POTEH: variants seen among roughly 807,000 people sequenced by gnomAD.
POTEH encodes the protein ANKRD26-like family C member 3.
POTEH carries 6 observed loss-of-function variants against 41.7 expected under a neutral mutation model. The observed-to-expected ratio is 0.14, with a 90% CI of 0.08 to 0.28. The LOEUF (loss-of-function observed/expected upper bound fraction) is 0.28. Ranked by LOEUF, POTEH falls within the 10% of genes least tolerant of loss-of-function variation. The probability of loss-of-function intolerance (pLI) is 1.00; values close to 1 mark genes in which losing one functional copy is unlikely to be tolerated. For missense variants in POTEH, 115 were observed against 533.5 expected (o/e 0.22, Z 7.73); for synonymous variants, 38 against 179.9 (o/e 0.21, Z 6.31).
At chr22:15,705,484 T>A (rs1448036431) in intron 6 of POTEH, among the ~76,000 whole-genome samples, 1 of 152,118 alleles carries the variant, frequency 6.6e-6, no homozygotes, top group Non-Finnish European at 1.5e-5. Context: ...ATGTTCATGT[T>A]CCCAGTGGCA....
At chr22:15,693,332 T>A (rs1989373644) in intron 1 of POTEH, among the ~76,000 whole-genome samples, 1 of 149,306 alleles carries the variant, frequency 6.7e-6, no homozygotes, top group Non-Finnish European at 1.5e-5. Flanking sequence ...ATATGCTTCT[T>A]GCATAGATGC....
In POTEH at chr22:15,690,929, A is replaced by G. The variant is rs1989290892; in HGVS notation, c.632+220A>G. Among the ~76,000 whole-genome samples, 2 of 130,094 alleles carry G rather than the reference A, an allele frequency of 1.5e-5. 1 individual carries two copies. Among genetic ancestry groups the G allele is most frequent in the African/African-American group, 5.5e-5 (2 of 36,272 alleles). The allele number at this position is 130,094 out of a possible 152,430, so 85.3% of individuals were successfully genotyped here. A position where few individuals can be genotyped will look rare whatever the true frequency, so the allele number is the denominator to read the frequency against. ...CCAATCAAATCATAATTTCCTTCCT[A>G]GAACACGAATAGACTGTTTTGAAGT... On this transcript the variant is annotated intron_variant, in intron 1 of 10. Transcript: ENST00000343518.
chr22:15,690,811 G>A, intron 1 of POTEH, 102 bp downstream of exon 1: 1 of 1,351,476 alleles, frequency 7.4e-7, no homozygotes, highest in Non-Finnish European at 1.0e-6. Flanking sequence ...GCCTCCACAG[G>A]CCTCACACCA....
intron 4 of POTEH, chr22:15,699,858 A>C: frequency 1.1e-6 from 1 of 946,908 alleles, no homozygotes; most frequent in Non-Finnish European, 1.5e-6. Context: ...TCTGCTATGC[A>C]ATACCCCACT....
chr22:15,691,108 C>T (rs1448125388), intron 1 of POTEH, among the ~76,000 whole-genome samples: 2 of 143,812 alleles, frequency 1.4e-5, no homozygotes, highest in East Asian at 2.0e-4. Context: ...AAATAAAATC[C>T]AGTATGGATT....
Position 15,692,179 on chromosome 22 carries a change from G to T in POTEH, c.632+1470G>T, listed in dbSNP as rs1354323558. ...GCCACCACACCTGGCTAATTGTTTT[G>T]TATTTTTAGTAGAGATGGGGTTTCA... On this transcript the variant is annotated intron_variant, in intron 1 of 10. Coordinates refer to ENST00000343518, the MANE Select transcript of POTEH (RefSeq NM_001136213.1). Among the ~76,000 whole-genome samples, 5 of 133,646 alleles carry T rather than the reference G, an allele frequency of 3.7e-5. 1 individual carries two copies. In the East Asian group the frequency reaches 1.0e-3, roughly 28 times the overall value. The allele number at this position is 133,646 out of a possible 152,430, so 87.7% of individuals were successfully genotyped here.
rs1255732412 is a variant in POTEH at position 15,690,679 on chromosome 22, C to G, written c.602C>G (p.Thr201Ser). 3 of 1,418,012 alleles carry G rather than the reference C, an allele frequency of 2.1e-6. No homozygotes were observed. Among genetic ancestry groups the G allele is most frequent in the Admixed American group, 3.9e-5 (2 of 51,830 alleles). The allele number at this position is 1,418,012 out of a possible 1,614,324, so 87.8% of individuals were successfully genotyped here. A position where few individuals can be genotyped will look rare whatever the true frequency, so the allele number is the denominator to read the frequency against. Residue 201 changes from threonine (T) to serine (S), a missense_variant, in exon 1 of 11, where the codon ACT becomes AGT. Thr to Ser is a moderately conservative substitution (Grantham distance 58). Coordinates refer to ENST00000343518, the MANE Select transcript of POTEH (RefSeq NM_001136213.1). ...RKDLIVMLKD[T>S]DMNKKDKQKR... ...GATCTCATCGTCATGCTCAAGGACA[C>G]TGACATGAACAAGAAGGACAAGCAA...
chr22:15,710,689 TATG>T (rs1461175694), intron 8 of POTEH, among the ~76,000 whole-genome samples, 176 bp from the exon 9 acceptor site: 1 of 152,156 alleles, frequency 6.6e-6, no homozygotes, highest in Non-Finnish European at 1.5e-5. Flanking sequence ...ATATTAGTGA[TATG>T]ATAAGTACAT....
At chr22:15,693,493 T>G (rs1467045613) in intron 1 of POTEH, among the ~76,000 whole-genome samples, 3 of 152,230 alleles carry the variant, frequency 2.0e-5, no homozygotes, top group African/African-American at 7.2e-5. Flanking sequence ...TACCTTTTCA[T>G]TATATATAGA....
intron 1 of POTEH, among the ~76,000 whole-genome samples, chr22:15,691,009 A>C (rs1458147143): frequency 7.1e-6 from 1 of 141,260 alleles, no homozygotes; most frequent in South Asian, 2.2e-4. Flanking sequence ...TACAGATTTT[A>C]AAACAATGTT....
In POTEH at chr22:15,692,736, CAG is replaced by C. The variant is rs1196802079; in HGVS notation, c.632+2030_632+2031del. ...TGCCACTACATTCCGGCATGGGTGA[CAG>C]AGTGAGACCCCATCTAAAAAAAAAA... On this transcript the variant is annotated intron_variant, in intron 1 of 10. Coordinates refer to ENST00000343518, the MANE Select transcript of POTEH (RefSeq NM_001136213.1). Among the ~76,000 whole-genome samples the C allele has an allele frequency of 4.9e-5, 6 of 121,432 alleles. No individual in the cohort carries two copies. The East Asian group carries it at 8.5e-4, about 17-fold the overall frequency. 79.7% of individuals were successfully genotyped at this position (121,432 alleles called of 152,430 possible).
chr22:15,703,577 T>G (rs1180910690), intron 6 of POTEH, among the ~76,000 whole-genome samples: 1 of 140,288 alleles, frequency 7.1e-6, no homozygotes, highest in African/African-American at 2.7e-5. Context: ...CAAAAGAGTG[T>G]CATAATAAAT....
At chr22:15,714,480 G>A (rs1285923471) in intron 9 of POTEH, among the ~76,000 whole-genome samples, 1 of 152,128 alleles carries the variant, frequency 6.6e-6, no homozygotes, top group Non-Finnish European at 1.5e-5. Context: ...CTCTGTTTCA[G>A]CCACACTGAA....
intron 7 of POTEH, among the ~76,000 whole-genome samples, chr22:15,708,597 G>T (rs1394423871): frequency 1.5e-5 from 2 of 134,034 alleles, no homozygotes; most frequent in Admixed American, 7.7e-5. Context: ...CTTATTAAAA[G>T]AATCAATAGA....
At chr22:15,703,721 C>T (rs1173749365) in intron 6 of POTEH, among the ~76,000 whole-genome samples, 1 of 150,074 alleles carries the variant, frequency 6.7e-6, no homozygotes, top group African/African-American at 2.5e-5. Context: ...TATGAGGACA[C>T]CTTTAATTTA....
intron 7 of POTEH, among the ~76,000 whole-genome samples, chr22:15,708,567 A>T (rs1489746036): frequency 7.1e-6 from 1 of 140,752 alleles, no homozygotes; most frequent in Admixed American, 7.3e-5. Flanking sequence ...CTTAAAATTT[A>T]TTGTAATAAA....
At chr22:15,709,438 A>AT (rs1405214883) in intron 7 of POTEH, among the ~76,000 whole-genome samples, 1 of 145,824 alleles carries the variant, frequency 6.9e-6, no homozygotes, top group Non-Finnish European at 1.5e-5. Flanking sequence ...TGATCTGCTG[A>AT]TTCATTTTTG....
At chr22:15,712,761 G>C (rs1989847169) in intron 9 of POTEH, among the ~76,000 whole-genome samples, 5 of 119,486 alleles carry the variant, frequency 4.2e-5, no homozygotes, top group African/African-American at 1.3e-4. Context: ...GTATTTTACT[G>C]TGATCAATTA....
chr22:15,707,021 TG>T (rs1989692766), intron 6 of POTEH, among the ~76,000 whole-genome samples: 2 of 147,982 alleles, frequency 1.4e-5, no homozygotes, highest in South Asian at 4.4e-4. Flanking sequence ...CTAGCATGTA[TG>T]TAGCAGGACT....
Sources: allele counts gnomAD v4.1 joint callset (sites outside exome capture counted in the v4.1 genomes callset), GRCh38; gene constraint gnomAD v4.1.1; transcripts MANE v1.5; gene names NCBI Gene and HGNC (gene_info 2026-07-23, HGNC 2026-07-21).